Variants in PTPRK observed in about 807,000 individuals in gnomAD.
PTPRK encodes protein tyrosine phosphatase receptor type K.
In PTPRK, 75 loss-of-function variants were observed where a neutral mutation model predicts 178.0. That is an observed-to-expected ratio of 0.42 (90% confidence interval 0.35 to 0.51). PTPRK has a LOEUF of 0.51. Ranked by LOEUF, PTPRK falls within the 20% of genes least tolerant of loss-of-function variation. The probability of loss-of-function intolerance (pLI) is 0.02; values close to 1 mark genes in which losing one functional copy is unlikely to be tolerated. For synonymous variants in PTPRK, 637 were observed against 620.6 expected (o/e 1.03, Z -0.39); for missense variants, 1,441 against 1,797.8 (o/e 0.80, Z 3.59).
chr6:128,148,119 G>C (rs1796748608), intron 7 of PTPRK, among the ~76,000 whole-genome samples: 1 of 152,116 alleles, frequency 6.6e-6, no homozygotes, highest in African/African-American at 2.4e-5. Context: ...TTGAACCACA[G>C]CATGTGAAGT....
rs1849545488 is a variant in PTPRK at position 128,464,638 on chromosome 6, C to CATATATATATATATGT, written c.100+55620_100+55621insACATATATATATATAT. On this transcript the variant is annotated intron_variant, in intron 1 of 29. Coordinates refer to ENST00000368226, the MANE Select transcript of PTPRK (RefSeq NM_002844.4). Reference sequence around the variant, plus strand: ...ACATATACATATATATATATATACACATATATATATATATATATATATATA... The same window carrying CATATATATATATATGT: ...ACATATACATATATATATATATACACATATATATATATATGTATATATATATATATATATATATATA... Among the ~76,000 whole-genome samples, 13 of 48,608 alleles carry CATATATATATATATGT rather than the reference C, an allele frequency of 2.7e-4. No homozygotes were observed. In the East Asian group the frequency reaches 9.0e-3, roughly 34 times the overall value. 31.9% of individuals were successfully genotyped at this position (48,608 alleles called of 152,430 possible).
intron 1 of PTPRK, among the ~76,000 whole-genome samples, chr6:128,484,736 G>A (rs1260086957): frequency 6.6e-6 from 1 of 152,130 alleles, no homozygotes; most frequent in East Asian, 1.9e-4. Context: ...AATACAAAAT[G>A]AGGCAATGGA....
At chr6:127,983,601 T>C (rs1775611951) in intron 22 of PTPRK, among the ~76,000 whole-genome samples, 1 of 152,202 alleles carries the variant, frequency 6.6e-6, no homozygotes, top group East Asian at 1.9e-4. Context: ...TTCTAAATTA[T>C]TTTCAAATTG....
intron 1 of PTPRK, among the ~76,000 whole-genome samples, chr6:128,433,831 T>G (rs558010568): frequency 1.3e-5 from 2 of 151,198 alleles, no homozygotes; most frequent in Admixed American, 6.6e-5. Flanking sequence ...ACACTGTTTT[T>G]TTTTTTTTTT....
intron 7 of PTPRK, among the ~76,000 whole-genome samples, chr6:128,112,996 T>C (rs1214925875): frequency 6.6e-6 from 1 of 152,104 alleles, no homozygotes; most frequent in Non-Finnish European, 1.5e-5. Context: ...ATGATAGTTG[T>C]TCCTCTCTTC....
chr6:127,980,713 A>G (rs1182470905), intron 25 of PTPRK, among the ~76,000 whole-genome samples: 1 of 152,194 alleles, frequency 6.6e-6, no homozygotes, highest in Non-Finnish European at 1.5e-5. Context: ...TTGAAACATT[A>G]AATGTCAGAA....
chr6:128,110,661 A>G (rs1008115716), intron 7 of PTPRK, among the ~76,000 whole-genome samples: 1 of 152,174 alleles, frequency 6.6e-6, no homozygotes, highest in Non-Finnish European at 1.5e-5. Flanking sequence ...TTCATTTGAG[A>G]AGAGCCAAGA....
At chr6:128,447,249 G>C (rs1230749207) in intron 1 of PTPRK, among the ~76,000 whole-genome samples, 1 of 152,206 alleles carries the variant, frequency 6.6e-6, no homozygotes, top group East Asian at 1.9e-4. Context: ...TGAAATAAGA[G>C]AAATCCTAAT....
In PTPRK at chr6:128,296,952, C is replaced by T. The variant is rs544658768; in HGVS notation, c.495+25087G>A. Among the ~76,000 whole-genome samples the T allele has an allele frequency of 3.0e-3, 462 of 151,668 alleles. 2 individuals are homozygous for T. The highest frequency in any genetic ancestry group is 0.011 in the African/African-American group (438 of 41,268). ...GGCAAATCGGATAAAGAGTCAAGAC[C>T]CATCAGTGTGCTGTATTCAGGAAAC... On this transcript the variant is annotated intron_variant, in intron 3 of 29. Transcript: ENST00000368226.
chr6:128,213,935 C>T (rs921716094), intron 6 of PTPRK, among the ~76,000 whole-genome samples: 4 of 152,178 alleles, frequency 2.6e-5, no homozygotes, highest in African/African-American at 9.6e-5. Flanking sequence ...ATCATCACTT[C>T]CTTTATGCCA....
intron 3 of PTPRK, among the ~76,000 whole-genome samples, chr6:128,305,536 A>C (rs1192805993): frequency 6.6e-6 from 1 of 152,208 alleles, no homozygotes; most frequent in Non-Finnish European, 1.5e-5. Context: ...AACACACAAA[A>C]AGAAAAGAAA....
At chr6:127,971,540 G>A (rs1361000156) in intron 29 of PTPRK, among the ~76,000 whole-genome samples, 1 of 152,058 alleles carries the variant, frequency 6.6e-6, no homozygotes, top group Non-Finnish European at 1.5e-5. Context: ...CAGCAATATT[G>A]CCTTCACTCT....
chr6:128,052,187 T>G (rs918530767), intron 13 of PTPRK, among the ~76,000 whole-genome samples: 5 of 152,232 alleles, frequency 3.3e-5, no homozygotes, highest in African/African-American at 4.8e-5. Context: ...CTCCCTTGTT[T>G]TCACTTTACT....
intron 27 of PTPRK, 142 bp downstream of exon 27, chr6:127,976,515 G>T: frequency 2.9e-6 from 3 of 1,019,876 alleles, no homozygotes; most frequent in Admixed American, 2.5e-5. Flanking sequence ...GAGTACTAAG[G>T]CATAAGATGG....
intron 1 of PTPRK, among the ~76,000 whole-genome samples, chr6:128,462,100 G>T (rs1360812348): frequency 6.6e-6 from 1 of 151,762 alleles, no homozygotes; most frequent in Non-Finnish European, 1.5e-5. Context: ...AGTAGCCAAG[G>T]CTATAGGTGT....
intron 7 of PTPRK, among the ~76,000 whole-genome samples, chr6:128,149,332 T>C (rs1796941549): frequency 6.6e-6 from 1 of 151,914 alleles, no homozygotes; most frequent in African/African-American, 2.4e-5. Context: ...ATATGGCATA[T>C]CATGGTTAAT....
intron 2 of PTPRK, among the ~76,000 whole-genome samples, chr6:128,394,768 G>A (rs1840062238): frequency 6.6e-6 from 1 of 152,170 alleles, no homozygotes; most frequent in African/African-American, 2.4e-5. Context: ...TGATGGTACT[G>A]TATCTCCTCA....
chr6:128,110,440 A>G (rs1161765291), intron 7 of PTPRK, among the ~76,000 whole-genome samples: 2 of 152,108 alleles, frequency 1.3e-5, no homozygotes, highest in Non-Finnish European at 2.9e-5. Flanking sequence ...TGAACAAGCC[A>G]TTAATGTGCA....
At chr6:128,199,881 A>G (rs1305417162) in intron 6 of PTPRK, among the ~76,000 whole-genome samples, 1 of 152,234 alleles carries the variant, frequency 6.6e-6, no homozygotes, top group Non-Finnish European at 1.5e-5. Context: ...AAATCAAAAG[A>G]AACATGAAGA....
Sources: gnomAD v4.1 joint callset for allele counts (sites outside exome capture counted in the v4.1 genomes callset) on GRCh38, gnomAD v4.1.1 for gene constraint, MANE v1.5 for transcripts, NCBI Gene and HGNC (gene_info 2026-07-23, HGNC 2026-07-21) for gene names.